The following KCNH5 variants were observed in gnomAD, a reference collection of about 807,000 sequenced individuals.
The protein encoded by KCNH5 is voltage-gated delayed rectifier potassium channel KCNH5.
A neutral mutation model predicts 96.1 loss-of-function variants in KCNH5; 46 were observed. The observed-to-expected ratio is 0.48, with a 90% confidence interval of 0.38 to 0.61. The LOEUF (loss-of-function observed/expected upper bound fraction) is 0.61. KCNH5 is among the 20% of genes least tolerant of loss of function. KCNH5 has a pLI of 0.00. For synonymous variants in KCNH5, 439 were observed against 449.8 expected (o/e 0.98, Z 0.30); for missense variants, 907 against 1,225.8 (o/e 0.74, Z 3.88).
At chr14:62,751,273 T>C (rs576526178) in intron 10 of KCNH5, among the ~76,000 whole-genome samples, 13 of 152,288 alleles carry the variant, frequency 8.5e-5, no homozygotes, top group African/African-American at 3.1e-4. Flanking sequence ...AAATGACATC[T>C]ATGGGCTTTT....
At chr14:62,928,262 T>G (rs1011554475) in intron 7 of KCNH5, among the ~76,000 whole-genome samples, 3 of 152,064 alleles carry the variant, frequency 2.0e-5, no homozygotes, top group African/African-American at 7.2e-5. Flanking sequence ...TTAACATGTT[T>G]TTCAGATTTA....
Position 63,001,463 on chromosome 14 carries a change from T to C in KCNH5, c.305-4A>G. 6.2e-7 allele frequency: 1 copy of C among 1,607,730 alleles called. No homozygotes were observed. The highest frequency in any genetic ancestry group is 8.5e-7 in the Non-Finnish European group (1 of 1,177,370). ...ATATAAAACCAAACAGGGGTTCCTGTAACAGAAAGAAGTTGGGGAAAGGAC... is the reference window on the plus strand; with the variant it reads ...ATATAAAACCAAACAGGGGTTCCTGCAACAGAAAGAAGTTGGGGAAAGGAC... On this transcript the variant is annotated splice_polypyrimidine_tract_variant and splice_region_variant and intron_variant, in intron 3 of 10. Coordinates refer to ENST00000322893, the MANE Select transcript of KCNH5 (RefSeq NM_139318.5).
At chr14:62,918,545 G>T (rs1889320016) in intron 7 of KCNH5, among the ~76,000 whole-genome samples, 1 of 152,004 alleles carries the variant, frequency 6.6e-6, no homozygotes, top group African/African-American at 2.4e-5. Context: ...AAAAGAAACA[G>T]CATACTAATA....
chr14:62,926,437 C>T (rs75373140), intron 7 of KCNH5, among the ~76,000 whole-genome samples: 14,959 of 152,094 alleles, frequency 0.098, 1,032 homozygotes, highest in East Asian at 0.28. Context: ...CACATGCACA[C>T]GCATACATAA....
chr14:62,920,084 C>T (rs1347610960), intron 7 of KCNH5, among the ~76,000 whole-genome samples: 1 of 152,054 alleles, frequency 6.6e-6, no homozygotes. Flanking sequence ...GATGAGTTGG[C>T]AGTCTTTCTG....
chr14:62,749,932 G>A (rs562777819), intron 10 of KCNH5, among the ~76,000 whole-genome samples: 12 of 152,272 alleles, frequency 7.9e-5, no homozygotes, highest in South Asian at 4.1e-4. Flanking sequence ...TTCTGTAAGC[G>A]CTTAGGCAGC....
intron 10 of KCNH5, among the ~76,000 whole-genome samples, chr14:62,745,594 A>G (rs766362000): frequency 7.2e-5 from 11 of 152,276 alleles, no homozygotes; most frequent in Middle Eastern, 3.4e-3. Flanking sequence ...AGGGCCAGAG[A>G]GACTCCAAAC....
At chr14:62,817,811 A>AATATATTAT (rs932540242) in intron 8 of KCNH5, among the ~76,000 whole-genome samples, 1 of 145,850 alleles carries the variant, frequency 6.9e-6, no homozygotes, top group African/African-American at 2.5e-5. Flanking sequence ...ATATTCTAGG[A>AATATATTAT]ATATATTATA....
At chr14:62,909,292 G>A (rs535799809) in intron 7 of KCNH5, among the ~76,000 whole-genome samples, 3 of 151,704 alleles carry the variant, frequency 2.0e-5, no homozygotes, top group African/African-American at 4.8e-5. Flanking sequence ...TGATCCGCCC[G>A]CCTCGGCCTC....
chr14:62,857,860 C>T lies in KCNH5; in HGVS notation c.1370-8008G>A, dbSNP rs144490233. Among the ~76,000 whole-genome samples the T allele has an allele frequency of 4.7e-3, 708 of 152,172 alleles. 3 individuals are homozygous for T. The highest frequency in any genetic ancestry group is 0.017 in the Middle Eastern group (5 of 294). On this transcript the variant is annotated intron_variant, in intron 7 of 10. Transcript: ENST00000322893. ...CTAATCAAGGTGACACTCATTATTA[C>T]CCATCACAAGTCCACTCCTTGTCAA...
chr14:62,748,108 G>C (rs913317779), intron 10 of KCNH5, among the ~76,000 whole-genome samples: 1 of 152,140 alleles, frequency 6.6e-6, no homozygotes, highest in Admixed American at 6.5e-5. Context: ...AGAATTCAGG[G>C]TGAGTCCACA....
intron 10 of KCNH5, among the ~76,000 whole-genome samples, chr14:62,726,088 A>C (rs558063737): frequency 6.6e-6 from 1 of 152,312 alleles, no homozygotes; most frequent in East Asian, 1.9e-4. Context: ...GATAAATGGA[A>C]CATCCATGTC....
chr14:62,733,873 A>G (rs1885101986), intron 10 of KCNH5, among the ~76,000 whole-genome samples: 1 of 152,062 alleles, frequency 6.6e-6, no homozygotes, highest in Admixed American at 6.6e-5. Context: ...TCAGTCCTTG[A>G]CCCAATGCTC....
At position 62,996,504 on chromosome 14, in the gene KCNH5, G is replaced by A. The variant is rs191090245; in HGVS notation, c.433+4827C>T. On this transcript the variant is annotated intron_variant, in intron 4 of 10. Coordinates refer to ENST00000322893, the MANE Select transcript of KCNH5 (RefSeq NM_139318.5). ...ATCAAACTCATAGTTAAAAAATCAA[G>A]TGGTCTGAGTTGTCTCGAGCTTTTT... 2.6e-3 allele frequency among the ~76,000 whole-genome samples: 403 copies of A among 152,266 alleles called. 3 individuals carry two copies. The highest frequency in any genetic ancestry group is 9.4e-3 in the African/African-American group (392 of 41,552).
chr14:62,715,012 T>C (rs990876295), intron 10 of KCNH5, among the ~76,000 whole-genome samples: 1 of 152,204 alleles, frequency 6.6e-6, no homozygotes, highest in Non-Finnish European at 1.5e-5. Context: ...AAGCTTTTTT[T>C]CCTCTGTGCT....
rs529898838 is a variant in KCNH5, at chr14:62,867,059, G to C, written c.1370-17207C>G. Among the ~76,000 whole-genome samples the C allele has an allele frequency of 6.0e-4, 91 of 152,280 alleles. 1 individual carries two copies. The highest frequency in any genetic ancestry group is 2.6e-4 in the Admixed American group (4 of 15,282). ...GGAGTGATGCCCCAAATGGGATACA[G>C]CTTGCTTCCACCCGCAACTTATTCA... On this transcript the variant is annotated intron_variant, in intron 7 of 10. Transcript: ENST00000322893.
At chr14:62,829,130 A>C (rs551261832) in intron 8 of KCNH5, among the ~76,000 whole-genome samples, 2 of 152,258 alleles carry the variant, frequency 1.3e-5, no homozygotes, top group South Asian at 4.1e-4. Flanking sequence ...TGGGCTCCCA[A>C]GGCCTTGGGT....
rs1889978903 is a variant in KCNH5 at position 62,950,422 on chromosome 14, G to A, written c.1080C>T (p.Ala360=). Residue 360 remains alanine (A), a synonymous_variant, in exon 7 of 11, where the codon GCC becomes GCT. Coordinates refer to ENST00000322893, the MANE Select transcript of KCNH5 (RefSeq NM_139318.5). ...VLLVCVFGLV[A]HWLACIWYSI... ...TATACCATATGCAGGCCAGCCAGTG[G>A]GCCACCAGTCCAAACACACACACCA... 2 of 1,613,930 alleles carry A rather than the reference G, an allele frequency of 1.2e-6. No homozygotes were observed. The highest frequency in any genetic ancestry group is 1.7e-6 in the Non-Finnish European group (2 of 1,179,962).
At chr14:62,861,770 C>T (rs1256724075) in intron 7 of KCNH5, among the ~76,000 whole-genome samples, 1 of 151,904 alleles carries the variant, frequency 6.6e-6, no homozygotes, top group Non-Finnish European at 1.5e-5. Context: ...TAAAAAACAA[C>T]TTTAAAGCAC....
Sources: allele counts gnomAD v4.1 joint callset (sites outside exome capture counted in the v4.1 genomes callset), GRCh38; gene constraint gnomAD v4.1.1; transcripts MANE v1.5; gene names NCBI Gene and HGNC (gene_info 2026-07-23, HGNC 2026-07-21).